The following SPAG6 variants were observed in gnomAD, a reference collection of about 807,000 sequenced individuals.
SPAG6 encodes the protein sperm associated antigen 6.
SPAG6 carries 49 observed loss-of-function variants against 58.5 expected under a neutral mutation model. That is an observed-to-expected ratio of 0.84 (90% CI 0.67 to 1.06). The LOEUF is 1.06. Ranked by LOEUF, SPAG6 falls within the 50% of genes least tolerant of loss-of-function variation. The probability of loss-of-function intolerance (pLI) is 0.00; values close to 1 mark genes in which losing one functional copy is unlikely to be tolerated. For missense variants in SPAG6, 560 were observed against 611.3 expected (o/e 0.92, Z 0.89); for synonymous variants, 233 against 225.6 (o/e 1.03, Z -0.29).
chr10:22,401,302 G>T, intron 9 of SPAG6, 25 bp downstream of exon 9: 2 of 1,106,864 alleles, frequency 1.8e-6, no homozygotes, highest in Non-Finnish European at 2.7e-6. Flanking sequence ...CCTCTAAGGG[G>T]AGGAAGAAAA....
chr10:22,387,004 G>A (rs1182561240), intron 5 of SPAG6, 45 bp downstream of exon 5: 1 of 1,434,362 alleles, frequency 7.0e-7, no homozygotes, highest in Non-Finnish European at 9.8e-7. Context: ...TTCTTATAAT[G>A]TAAGAAAATG....
intron 4 of SPAG6, among the ~76,000 whole-genome samples, chr10:22,385,660 T>C (rs776219051): frequency 3.3e-5 from 5 of 152,178 alleles, no homozygotes; most frequent in Non-Finnish European, 7.3e-5. Context: ...AAGCAAATAT[T>C]GGACACTAAC....
intron 8 of SPAG6, among the ~76,000 whole-genome samples, chr10:22,400,936 A>G (rs190894393): frequency 1.3e-5 from 2 of 152,192 alleles, no homozygotes; most frequent in Non-Finnish European, 2.9e-5. Context: ...TCAGTAATAC[A>G]CTTTACATTT....
chr10:22,412,161 G>C (rs928964889), intron 10 of SPAG6, among the ~76,000 whole-genome samples: 1 of 151,842 alleles, frequency 6.6e-6, no homozygotes, highest in Non-Finnish European at 1.5e-5. Context: ...CCAAACAACT[G>C]AATCTTTAAA....
At chr10:22,364,743 T>C (rs1564364350) in intron 2 of SPAG6, 110 bp from the exon 3 acceptor site, 1 of 724,644 alleles carries the variant, frequency 1.4e-6, no homozygotes, top group East Asian at 2.8e-5. Context: ...AATAGTTTTA[T>C]TTTTACTGAT....
chr10:22,368,431 A>G (rs754743607), intron 3 of SPAG6, 64 bp from the exon 4 acceptor site: 16 of 1,341,804 alleles, frequency 1.2e-5, no homozygotes, highest in Non-Finnish European at 1.6e-5. Context: ...GTTTTGGTCT[A>G]TTTTAGATTT....
At chr10:22,370,175 A>G (rs1043308640) in intron 4 of SPAG6, among the ~76,000 whole-genome samples, 2 of 152,232 alleles carry the variant, frequency 1.3e-5, no homozygotes, top group African/African-American at 4.8e-5. Flanking sequence ...TTTTATGTGG[A>G]TATAATTACA....
At chr10:22,400,828 C>G (rs1204672546) in intron 8 of SPAG6, among the ~76,000 whole-genome samples, 1 of 151,964 alleles carries the variant, frequency 6.6e-6, no homozygotes, top group East Asian at 1.9e-4. Context: ...ATCTCAGTTT[C>G]CTGTATACAA....
At chr10:22,361,662 GGTGACAGAGTAA>G (rs1490538906) in intron 2 of SPAG6, among the ~76,000 whole-genome samples, 1 of 152,058 alleles carries the variant, frequency 6.6e-6, no homozygotes, top group Non-Finnish European at 1.5e-5. Flanking sequence ...TGCCAGCCTG[GGTGACAGAGTAA>G]GTGAGACTCC....
chr10:22,349,696 G>A (rs1375343237), intron 2 of SPAG6, among the ~76,000 whole-genome samples: 1 of 152,148 alleles, frequency 6.6e-6, no homozygotes, highest in Non-Finnish European at 1.5e-5. Context: ...ACAACCTATA[G>A]TAGAACATAG....
At chr10:22,346,045 A>G in intron 2 of SPAG6, 1 of 1,537,976 alleles carries the variant, frequency 6.5e-7, no homozygotes, top group African/African-American at 1.4e-5. Flanking sequence ...CATTGCACAC[A>G]GGCAAGTGTC....
At chr10:22,366,040 G>A (rs999328931) in intron 3 of SPAG6, among the ~76,000 whole-genome samples, 9 of 152,276 alleles carry the variant, frequency 5.9e-5, no homozygotes, top group Admixed American at 3.9e-4. Context: ...TTGTTACCAC[G>A]TGACTCAGCA....
At chr10:22,400,683 A>G (rs575014007) in intron 8 of SPAG6, among the ~76,000 whole-genome samples, 1 of 152,170 alleles carries the variant, frequency 6.6e-6, no homozygotes, top group South Asian at 2.1e-4. Context: ...AATAATGCAC[A>G]CTGTAGCCAC....
In SPAG6 at chr10:22,364,831, G is replaced by A. The variant is rs377491835; in HGVS notation, c.122-22G>A. On this transcript the variant is annotated intron_variant, in intron 2 of 10. Coordinates refer to ENST00000376624, the MANE Select transcript of SPAG6 (RefSeq NM_012443.4). The stretch of plus-strand genomic sequence containing the variant: ...TTTAATTTAAATTTTCCTGATTTCT[G>A]TTCTTTCATAATTTAACTCAGGTGT... 66 of 1,572,750 alleles carry A rather than the reference G, an allele frequency of 4.2e-5. No homozygotes were observed. The African/African-American group carries it at 4.2e-4, about 10-fold the overall frequency.
chr10:22,412,613 C>A, intron 10 of SPAG6: 1 of 655,942 alleles, frequency 1.5e-6, no homozygotes, highest in African/African-American at 1.9e-5. Context: ...ACTCTGTCTC[C>A]AGGCTGGAGT....
chr10:22,358,034 G>A lies in SPAG6; in HGVS notation c.122-6819G>A, dbSNP rs941003186. On this transcript the variant is annotated intron_variant, in intron 2 of 10. Transcript: ENST00000376624. ...AGTCTTTGCTATGGTGAATAGTGTC[G>A]CAATAAACATACGTGTGCATGTGTC... is the stretch of plus-strand genomic sequence containing the variant. Among the ~76,000 whole-genome samples the A allele has an allele frequency of 4.9e-3, 744 of 151,880 alleles. 9 individuals are homozygous for A. Among genetic ancestry groups the A allele is most frequent in the African/African-American group, 0.017 (702 of 41,402 alleles).
At chr10:22,412,598 A>G in intron 10 of SPAG6, 2 of 741,184 alleles carry the variant, frequency 2.7e-6, no homozygotes, top group Non-Finnish European at 2.1e-6. Context: ...TAGTCTACAT[A>G]TAACACTCTG....
intron 8 of SPAG6, 42 bp from the exon 9 acceptor site, chr10:22,401,119 T>C (rs1214427725): frequency 1.1e-6 from 1 of 883,734 alleles, no homozygotes; most frequent in Non-Finnish European, 1.9e-6. Context: ...CAAGGTTTCA[T>C]TGATTACTTA....
chr10:22,364,540 T>C (rs1837139043), intron 2 of SPAG6, among the ~76,000 whole-genome samples: 2 of 152,232 alleles, frequency 1.3e-5, no homozygotes, highest in Non-Finnish European at 2.9e-5. Flanking sequence ...TAGCATACTC[T>C]ACAACCTTTC....
Sources: allele counts gnomAD v4.1 joint callset (sites outside exome capture counted in the v4.1 genomes callset), GRCh38; gene constraint gnomAD v4.1.1; transcripts MANE v1.5; gene names NCBI Gene and HGNC (gene_info 2026-07-23, HGNC 2026-07-21).